ACCSL: variants seen among roughly 807,000 people sequenced by gnomAD.
ACCSL encodes probable inactive 1-aminocyclopropane-1-carboxylate synthase-like protein 2.
A neutral mutation model predicts 61.7 loss-of-function variants in ACCSL; 55 were observed. That is an observed-to-expected ratio of 0.89 (90% confidence interval 0.72 to 1.12). The LOEUF is 1.12. ACCSL is among the 50% of genes most tolerant of loss of function. ACCSL has a pLI of 0.00. For synonymous variants in ACCSL, 258 were observed against 264.3 expected (o/e 0.98, Z 0.23); for missense variants, 632 against 698.0 (o/e 0.91, Z 1.07).
the ACCSL span, among the ~76,000 whole-genome samples, chr11:43,981,071 G>A: frequency 6.6e-5 from 10 of 151,446 alleles, no homozygotes; most frequent in African/African-American, 2.4e-4. Flanking sequence ...AGCAGTAAGG[G>A]GATGGGGAAA....
At chr11:43,958,109 C>G in the ACCSL span, among the ~76,000 whole-genome samples, 8 of 152,138 alleles carry the variant, frequency 5.3e-5, no homozygotes, top group African/African-American at 1.9e-4. Flanking sequence ...CTAAATTGTT[C>G]TTGTAAAACA....
chr11:44,036,493 G>T, the ACCSL span, among the ~76,000 whole-genome samples: 1 of 152,162 alleles, frequency 6.6e-6, no homozygotes, highest in Admixed American at 6.5e-5. Flanking sequence ...CAGATTCCCA[G>T]GTTCTATGCC....
At chr11:44,030,738 T>TA in the ACCSL span, among the ~76,000 whole-genome samples, 1 of 151,766 alleles carries the variant, frequency 6.6e-6, no homozygotes, top group Non-Finnish European at 1.5e-5. Flanking sequence ...AGTTTGGGTT[T>TA]AAAAAAAAAT....
At position 44,053,028 on chromosome 11, in the gene ACCSL, T is replaced by A. The variant is rs1952649551; in HGVS notation, c.908T>A (p.Val303Glu). The part of the protein sequence containing the change: ...VTNTHPFQLT[V>E]DKLEEALLEA... ...AACACCCATCCTTTCCAGCTCACTGTGGACAAGTTAGAGGAAGCCCTGCTT... is the reference window on the plus strand; with the variant it reads ...AACACCCATCCTTTCCAGCTCACTGAGGACAAGTTAGAGGAAGCCCTGCTT... Residue 303 changes from valine to glutamate, a missense_variant, in exon 7 of 14, where the codon GTG becomes GAG. Coordinates refer to ENST00000378832, the MANE Select transcript of ACCSL (RefSeq NM_001031854.2). The A allele has an allele frequency of 1.9e-6, 3 of 1,614,094 alleles. No homozygotes were observed. The highest frequency in any genetic ancestry group is 1.7e-6 in the Non-Finnish European group (2 of 1,180,038).
At chr11:44,027,007 C>T in the ACCSL span, among the ~76,000 whole-genome samples, 15 of 152,180 alleles carry the variant, frequency 9.9e-5, no homozygotes, top group Non-Finnish European at 1.8e-4. Context: ...GGATTACAGG[C>T]GTGAGCCACC....
Position 44,051,417 on chromosome 11 carries a change from C to T in ACCSL, c.705+13C>T. On this transcript the variant is annotated intron_variant, in intron 4 of 13. Coordinates refer to ENST00000378832, the MANE Select transcript of ACCSL (RefSeq NM_001031854.2). ...TGACCCAGAAAATGTGAGTCAGTTT[C>T]CCAGCCTTGCTGCCACCCTGGTGGA... 1 of 1,614,082 alleles carries T rather than the reference C, an allele frequency of 6.2e-7. No individual in the cohort carries two copies. The highest frequency in any genetic ancestry group is 8.5e-7 in the Non-Finnish European group (1 of 1,179,954).
chr11:43,926,682 TAAAAA>T, the ACCSL span: 3 of 313,508 alleles, frequency 9.6e-6, no homozygotes, highest in African/African-American at 6.6e-5. Context: ...TGCAAGAAAT[TAAAAA>T]GAAAGATAAA....
chr11:43,991,428 C>T, the ACCSL span, among the ~76,000 whole-genome samples: 12 of 152,308 alleles, frequency 7.9e-5, no homozygotes, highest in South Asian at 2.3e-3. Flanking sequence ...TGGTGTCATT[C>T]AATTCCTAAG....
At chr11:43,953,650 T>TA in the ACCSL span, among the ~76,000 whole-genome samples, 1 of 151,920 alleles carries the variant, frequency 6.6e-6, no homozygotes, top group African/African-American at 2.4e-5. Context: ...ATTAGCATGC[T>TA]AAAAGTCACT....
chr11:43,993,978 TG>T, the ACCSL span, among the ~76,000 whole-genome samples: 2 of 152,318 alleles, frequency 1.3e-5, no homozygotes, highest in Admixed American at 6.5e-5. Context: ...GCTTCTCAAC[TG>T]GGCTCCATCC....
At chr11:43,921,304 AGGCTGTTCTCTGACAAGCTCTCT>A in the ACCSL span, 4 of 152,230 alleles carry the variant, frequency 2.6e-5, no homozygotes, top group Non-Finnish European at 5.9e-5. Context: ...ATGCCTGGCC[AGGCTGTTCTCTGACAAGCTCTCT>A]GGCTCCTGGC....
the ACCSL span, among the ~76,000 whole-genome samples, chr11:44,030,160 T>C: frequency 6.9e-6 from 1 of 145,892 alleles, no homozygotes; most frequent in Non-Finnish European, 1.5e-5. Context: ...GGTCTATCAA[T>C]GTCTACTTGT....
chr11:44,047,843 T>A, upstream of ACCSL: 1 of 642,658 alleles, frequency 1.6e-6, no homozygotes. Flanking sequence ...CCCTAAAGAG[T>A]AGGTAACTCT....
the ACCSL span, among the ~76,000 whole-genome samples, chr11:43,984,546 G>A: frequency 2.0e-5 from 3 of 152,306 alleles, no homozygotes; most frequent in South Asian, 2.1e-4. Context: ...TGACCTAGCC[G>A]GGCTCTGAAT....
At chr11:44,008,636 C>G in the ACCSL span, among the ~76,000 whole-genome samples, 3 of 152,234 alleles carry the variant, frequency 2.0e-5, no homozygotes, top group African/African-American at 7.2e-5. Flanking sequence ...CTGTGTCAAC[C>G]TGGGCAAGTT....
chr11:43,989,055 G>A, the ACCSL span, among the ~76,000 whole-genome samples: 4 of 152,116 alleles, frequency 2.6e-5, 1 homozygote, highest in African/African-American at 9.7e-5. Flanking sequence ...TCTTCACGGG[G>A]AGCTGGTCTA....
chr11:44,051,275 T>A, intron 3 of ACCSL, 60 bp from the exon 4 acceptor site: 1 of 1,559,886 alleles, frequency 6.4e-7, no homozygotes, highest in African/African-American at 1.4e-5. Context: ...AATGACCATC[T>A]AGACCATGAG....
At chr11:43,957,251 TG>T in the ACCSL span, among the ~76,000 whole-genome samples, 1 of 150,874 alleles carries the variant, frequency 6.6e-6, no homozygotes, top group African/African-American at 2.4e-5. Context: ...CATAAATCAA[TG>T]CATGGAAAGT....
chr11:43,981,108 C>T, the ACCSL span, among the ~76,000 whole-genome samples: 1 of 152,086 alleles, frequency 6.6e-6, no homozygotes, highest in Non-Finnish European at 1.5e-5. Context: ...AACAAACAAA[C>T]AAACAAACAA....
Sources: gnomAD v4.1 joint callset for allele counts (sites outside exome capture counted in the v4.1 genomes callset) on GRCh38, gnomAD v4.1.1 for gene constraint, MANE v1.5 for transcripts, NCBI Gene and HGNC (gene_info 2026-07-23, HGNC 2026-07-21) for gene names.